ERCC4: variants seen among roughly 807,000 people sequenced by gnomAD.
The protein encoded by ERCC4 is ERCC excision repair 4, endonuclease catalytic subunit, also known as DNA repair endonuclease XPF.
A neutral mutation model predicts 76.9 loss-of-function variants in ERCC4; 65 were observed. The ratio of observed to expected loss-of-function variants is 0.84; its 90% CI spans 0.69 to 1.04. The LOEUF (loss-of-function observed/expected upper bound fraction) is 1.04. Ranked by LOEUF, ERCC4 falls within the 50% of genes least tolerant of loss-of-function variation. The pLI is 0.00. For synonymous variants in ERCC4, 463 were observed against 410.1 expected, an observed-to-expected ratio of 1.13 and a Z score of -1.56; for missense variants, 1,214 against 1,128.2, an observed-to-expected ratio of 1.08 and a Z score of -1.09.
At chr16:13,938,964 C>T (rs762184274) in intron 9 of ERCC4, among the ~76,000 whole-genome samples, 8 of 152,196 alleles carry the variant, frequency 5.3e-5, no homozygotes, top group Admixed American at 1.3e-4. Context: ...TTCACATCCT[C>T]TCGAATGGTG....
chr16:13,937,918 A>T, intron 9 of ERCC4, 60 bp downstream of exon 9: 1 of 1,018,524 alleles, frequency 9.8e-7, no homozygotes, highest in South Asian at 1.3e-5. Flanking sequence ...TGGATGGGGG[A>T]ATATCAGATA....
intron 10 of ERCC4, among the ~76,000 whole-genome samples, chr16:13,947,269 C>G (rs2032532340): frequency 6.6e-6 from 1 of 152,190 alleles, no homozygotes; most frequent in Non-Finnish European, 1.5e-5. Context: ...AGCCTCTACC[C>G]TCAGGCTTTG....
chr16:13,926,350 C>T (rs1179137095), intron 2 of ERCC4, among the ~76,000 whole-genome samples: 2 of 152,132 alleles, frequency 1.3e-5, no homozygotes, highest in Admixed American at 1.3e-4. Context: ...TTTTTCTTCT[C>T]AGCACTTGTA....
chr16:13,921,723 G>A (rs970543437), intron 1 of ERCC4, among the ~76,000 whole-genome samples: 42 of 152,258 alleles, frequency 2.8e-4, no homozygotes, highest in African/African-American at 9.1e-4. Flanking sequence ...GTATTTTCTA[G>A]GTAGCAGAAA....
intron 7 of ERCC4, 30 bp downstream of exon 7, chr16:13,934,332 T>C: frequency 7.0e-7 from 1 of 1,419,374 alleles, no homozygotes; most frequent in South Asian, 1.1e-5. Flanking sequence ...AAACATTTGC[T>C]TCCAAAATCT....
At chr16:13,931,987 G>A in intron 5 of ERCC4, 170 bp from the exon 6 acceptor site, 1 of 671,890 alleles carries the variant, frequency 1.5e-6, no homozygotes, top group East Asian at 2.6e-5. Context: ...ACCACACCCA[G>A]AAAACCACTG....
In ERCC4 at chr16:13,930,854, C is replaced by G; in HGVS notation, c.937C>G (p.Leu313Val). The change falls in exon 5 of 11, where the codon CTG becomes GTG. Residue 313 changes from leucine to valine, a missense_variant. Coordinates refer to ENST00000311895, the MANE Select transcript of ERCC4 (RefSeq NM_005236.3). ...CACATTTCTTAATCTTCTGGAATCTCTGAGAGCAACGGAAAAAGCTTTTGG... is the reference window on the plus strand; with the variant it reads ...CACATTTCTTAATCTTCTGGAATCTGTGAGAGCAACGGAAAAAGCTTTTGG... ...CVTFLNLLES[L>V]RATEKAFGQN... 6.2e-7 allele frequency: 1 copy of G among 1,613,610 alleles called. No homozygotes were observed. Among genetic ancestry groups the G allele is most frequent in the South Asian group, 1.1e-5 (1 of 91,076 alleles).
At chr16:13,928,328 G>A in intron 4 of ERCC4, 93 bp downstream of exon 4, 1 of 925,912 alleles carries the variant, frequency 1.1e-6, no homozygotes, top group Non-Finnish European at 1.7e-6. Flanking sequence ...ATAGGAATTT[G>A]CTGTTATTTA....
At position 13,935,203 on chromosome 16, in the gene ERCC4, T is replaced by C; in HGVS notation, c.1271T>C (p.Ile424Thr). 3.1e-6 allele frequency: 5 copies of C among 1,614,102 alleles called. No individual in the cohort carries two copies. The highest frequency in any genetic ancestry group is 4.2e-6 in the Non-Finnish European group (5 of 1,180,008). The change falls in exon 8 of 11, where the codon ATC becomes ACC. Residue 424 changes from isoleucine (I) to threonine (T), a missense_variant. Coordinates refer to ENST00000311895, the MANE Select transcript of ERCC4 (RefSeq NM_005236.3). ...DRTCSQLRDY[I>T]TLGAEAFLLR... ...ACATGTTCCCAGCTGAGAGACTATATCACTCTTGGAGCGGAGGCCTTCTTA... is the reference window on the plus strand; with the variant it reads ...ACATGTTCCCAGCTGAGAGACTATACCACTCTTGGAGCGGAGGCCTTCTTA...
chr16:13,924,253 A>AC (rs2032033022), intron 2 of ERCC4, among the ~76,000 whole-genome samples: 1 of 152,084 alleles, frequency 6.6e-6, no homozygotes, highest in African/African-American at 2.4e-5. Context: ...TATTACCACC[A>AC]CACCCCACCC....
At chr16:13,946,360 G>C (rs185406260) in intron 10 of ERCC4, among the ~76,000 whole-genome samples, 143 of 152,324 alleles carry the variant, frequency 9.4e-4, no homozygotes, top group Non-Finnish European at 1.8e-3. Context: ...ATGGCCTATG[G>C]CTCCTGGGCC....
Position 13,950,384 on chromosome 16 carries a change from A to AG in ERCC4, c.*2041dup, listed in dbSNP as rs2032608373. On this transcript the variant is annotated 3_prime_UTR_variant, in exon 11 of 11. Coordinates refer to ENST00000311895, the MANE Select transcript of ERCC4 (RefSeq NM_005236.3). The stretch of plus-strand genomic sequence containing the variant: ...ACAAGGGTATAACCAGAATGAATTG[A>AG]GGGGTATCAAGAACCAGATTGGTTA... 1 of 187,046 alleles carries AG rather than the reference A, an allele frequency of 5.3e-6. No homozygotes were observed. The highest frequency in any genetic ancestry group is 1.1e-5 in the Non-Finnish European group (1 of 88,574). 11.6% of individuals were successfully genotyped at this position (187,046 alleles called of 1,614,324 possible).
intron 9 of ERCC4, among the ~76,000 whole-genome samples, chr16:13,941,821 A>G (rs888104856): frequency 5.3e-5 from 8 of 152,190 alleles, no homozygotes; most frequent in African/African-American, 1.9e-4. Flanking sequence ...TACGATCACA[A>G]AATGGGCTAG....
chr16:13,925,052 C>G (rs1303859668), intron 2 of ERCC4, among the ~76,000 whole-genome samples: 2 of 152,166 alleles, frequency 1.3e-5, no homozygotes, highest in Non-Finnish European at 2.9e-5. Flanking sequence ...AACCTTCGGC[C>G]TCCCACTTGC....
intron 5 of ERCC4, 112 bp from the exon 6 acceptor site, chr16:13,932,044 TG>T: frequency 1.1e-6 from 1 of 903,986 alleles, no homozygotes. Context: ...GCGGTGTGGT[TG>T]GTAGGAAGAC....
rs886051671 is a variant in ERCC4, at chr16:13,949,810, C to T, written c.*1463C>T. On this transcript the variant is annotated 3_prime_UTR_variant, in exon 11 of 11. Coordinates refer to ENST00000311895, the MANE Select transcript of ERCC4 (RefSeq NM_005236.3). ...TGAGTAATGGGTAGTAAATTTTCTA[C>T]CTCAGGAGCTGATATAGACATCAGT... 3.0e-5 allele frequency: 7 copies of T among 231,910 alleles called. No homozygotes were observed. Among genetic ancestry groups the T allele is most frequent in the Non-Finnish European group, 8.5e-6 (1 of 117,346 alleles). The allele number at this position is 231,910 out of a possible 1,614,324, so 14.4% of individuals were successfully genotyped here.
chr16:13,920,568 T>A lies in ERCC4; in HGVS notation c.207+196T>A, dbSNP rs1175905917. ...CTCACACTGCGGGAACACAGACGTATGTAAGGGGTCGCTAGGAGGATACCG... is the reference window on the plus strand; with the variant it reads ...CTCACACTGCGGGAACACAGACGTAAGTAAGGGGTCGCTAGGAGGATACCG... On this transcript the variant is annotated intron_variant, in intron 1 of 10. Transcript: ENST00000311895. Among the ~76,000 whole-genome samples the A allele has an allele frequency of 2.0e-5, 3 of 148,776 alleles. No homozygotes were observed. The East Asian group carries it at 6.1e-4, about 30-fold the overall frequency.
Position 13,932,140 on chromosome 16 carries a change from T to C in ERCC4, c.974-17T>C, listed in dbSNP as rs2032183635. 20 of 1,610,556 alleles carry C rather than the reference T, an allele frequency of 1.2e-5. No individual in the cohort carries two copies. The highest frequency in any genetic ancestry group is 1.7e-5 in the Non-Finnish European group (20 of 1,177,186). On this transcript the variant is annotated splice_polypyrimidine_tract_variant and intron_variant, in intron 5 of 10. Transcript: ENST00000311895. ...CCATAAATTGATGGCACTTTTTCTT[T>C]TAACTTTTCGTATTAGGTTGGCTGT... is the stretch of plus-strand genomic sequence containing the variant.
At chr16:13,931,735 T>A in intron 5 of ERCC4, 1 of 175,736 alleles carries the variant, frequency 5.7e-6, no homozygotes, top group South Asian at 1.5e-4. Context: ...CATATTTTCC[T>A]ATAAATTATT....
Sources: allele counts gnomAD v4.1 joint callset (sites outside exome capture counted in the v4.1 genomes callset), GRCh38; gene constraint gnomAD v4.1.1; transcripts MANE v1.5; gene names NCBI Gene and HGNC (gene_info 2026-07-23, HGNC 2026-07-21).